SLC35F3: variants seen among roughly 807,000 people sequenced by gnomAD.
The protein encoded by SLC35F3 is putative thiamine transporter SLC35F3.
Under a neutral mutation model 49.9 loss-of-function variants are expected in SLC35F3, and 25 were observed. The observed-to-expected ratio is 0.50, with a 90% CI of 0.37 to 0.70. The LOEUF (loss-of-function observed/expected upper bound fraction) is 0.70, where lower values mean the gene tolerates loss of function less well. Ranked by LOEUF, SLC35F3 falls within the 30% of genes least tolerant of loss-of-function variation. The pLI is 0.00. For missense variants in SLC35F3, 525 were observed against 639.8 expected, an observed-to-expected ratio of 0.82 and a Z score of 1.94; for synonymous variants, 275 against 265.4, an observed-to-expected ratio of 1.04 and a Z score of -0.35.
chr1:234,032,982 A>G (rs2102849190), intron 2 of SLC35F3, among the ~76,000 whole-genome samples: 2 of 152,102 alleles, frequency 1.3e-5, no homozygotes, highest in Middle Eastern at 6.8e-3. Flanking sequence ...ATTCCCACGA[A>G]CAGTGTAAAA....
intron 3 of SLC35F3, among the ~76,000 whole-genome samples, chr1:234,261,533 A>G (rs1188747126): frequency 1.3e-5 from 2 of 152,088 alleles, no homozygotes; most frequent in Non-Finnish European, 2.9e-5. Context: ...AGCAGTGAGG[A>G]TGATCAGCTG....
intron 2 of SLC35F3, among the ~76,000 whole-genome samples, chr1:234,135,366 A>G (rs1665795805): frequency 6.6e-6 from 1 of 152,218 alleles, no homozygotes; most frequent in Non-Finnish European, 1.5e-5. Flanking sequence ...ATGTACCAAT[A>G]AAAATGAAAA....
rs1661908427 is a variant in SLC35F3 at position 233,913,038 on chromosome 1, GA to G, written c.283+7281del. On this transcript the variant is annotated intron_variant, in intron 2 of 7. Transcript: ENST00000366618. Reference sequence around the variant, plus strand: ...CCTTGCCCTAAAAGCTTACTTACTGGAGTAGGTAAAATCTGAAGTGTTTATA... The same window carrying G: ...CCTTGCCCTAAAAGCTTACTTACTGGGTAGGTAAAATCTGAAGTGTTTATA... 2.0e-5 allele frequency among the ~76,000 whole-genome samples: 3 copies of G among 152,308 alleles called. No homozygotes were observed. In the South Asian group the frequency reaches 6.2e-4, roughly 32 times the overall value.
At chr1:234,063,047 G>A (rs1352325329) in intron 2 of SLC35F3, among the ~76,000 whole-genome samples, 1 of 151,980 alleles carries the variant, frequency 6.6e-6, no homozygotes, top group Admixed American at 6.6e-5. Flanking sequence ...TTCTCTCTGA[G>A]TTTAACCCCC....
rs1665876127 is a variant in SLC35F3, at chr1:234,139,986, A to AAATAAAATAAAATAAAATAAAAT, written c.284-91415_284-91414insATAAAATAATAAAATAAAATAAA. Among the ~76,000 whole-genome samples, 2 of 136,762 alleles carry AAATAAAATAAAATAAAATAAAAT rather than the reference A, an allele frequency of 1.5e-5. 1 individual carries two copies. The highest frequency in any genetic ancestry group is 3.2e-5 in the Non-Finnish European group (2 of 62,372). The allele number at this position is 136,762 out of a possible 152,430, so 89.7% of individuals were successfully genotyped here. ...AAATAAAATAAAATAAAATAAAATA[A>AAATAAAATAAAATAAAATAAAAT]AATAAAATAAAATAAAGTAAGTGAC... is the stretch of plus-strand genomic sequence containing the variant. On this transcript the variant is annotated intron_variant, in intron 2 of 7. Transcript: ENST00000366618.
At chr1:234,294,131 A>G (rs1668553426) in intron 3 of SLC35F3, among the ~76,000 whole-genome samples, 1 of 152,258 alleles carries the variant, frequency 6.6e-6, no homozygotes, top group African/African-American at 2.4e-5. Context: ...AGCTCCTGAA[A>G]ATAGCAAAGA....
intron 2 of SLC35F3, among the ~76,000 whole-genome samples, chr1:233,996,369 T>A (rs1663460656): frequency 6.6e-6 from 1 of 152,072 alleles, no homozygotes; most frequent in African/African-American, 2.4e-5. Context: ...CATCCTCGGA[T>A]TTTGGTATTT....
chr1:233,905,491 C>G (rs780390705), intron 1 of SLC35F3, 38 bp from the exon 2 acceptor site: 10 of 1,488,146 alleles, frequency 6.7e-6, no homozygotes, highest in African/African-American at 1.4e-5. Flanking sequence ...CCATGCTCCC[C>G]CTGCCCACCC....
At chr1:233,931,304 A>G (rs1662238431) in intron 2 of SLC35F3, among the ~76,000 whole-genome samples, 1 of 152,220 alleles carries the variant, frequency 6.6e-6, no homozygotes, top group African/African-American at 2.4e-5. Context: ...AATTAAACTA[A>G]AGAGCTTCTG....
chr1:234,275,763 A>AAAATAT (rs1553260465), intron 3 of SLC35F3, among the ~76,000 whole-genome samples: 1 of 135,532 alleles, frequency 7.4e-6, no homozygotes, highest in Non-Finnish European at 1.6e-5. Context: ...AAAAAAAAAA[A>AAAATAT]ATATATATAT....
intron 2 of SLC35F3, among the ~76,000 whole-genome samples, chr1:233,981,120 A>G (rs1663175462): frequency 6.6e-6 from 1 of 152,212 alleles, no homozygotes; most frequent in South Asian, 2.1e-4. Flanking sequence ...CGCTGGTAGC[A>G]TTTTACATAA....
intron 2 of SLC35F3, among the ~76,000 whole-genome samples, chr1:234,062,217 A>G (rs1363434566): frequency 1.3e-5 from 2 of 152,134 alleles, no homozygotes; most frequent in African/African-American, 4.8e-5. Context: ...CTTTCTCGTT[A>G]TAGCTCCATT....
chr1:233,917,664 T>C (rs544584566), intron 2 of SLC35F3, among the ~76,000 whole-genome samples: 2 of 152,344 alleles, frequency 1.3e-5, no homozygotes, highest in South Asian at 4.1e-4. Flanking sequence ...GCTCTACCTT[T>C]TCTCTCTTGC....
chr1:234,209,987 A>G (rs982263444), intron 2 of SLC35F3, among the ~76,000 whole-genome samples: 6 of 152,190 alleles, frequency 3.9e-5, no homozygotes, highest in Non-Finnish European at 7.3e-5. Flanking sequence ...TCCCCACCCA[A>G]ATCTCATCTT....
intron 3 of SLC35F3, among the ~76,000 whole-genome samples, chr1:234,278,515 A>C (rs551979459): frequency 8.5e-4 from 129 of 152,006 alleles, no homozygotes; most frequent in African/African-American, 3.0e-3. Flanking sequence ...ACGAAAAAAA[A>C]AGAGAAAAAA....
intron 2 of SLC35F3, among the ~76,000 whole-genome samples, chr1:234,162,520 A>G (rs1666244790): frequency 2.0e-5 from 3 of 151,570 alleles, no homozygotes; most frequent in African/African-American, 4.9e-5. Flanking sequence ...AGCTGGTGTG[A>G]CAGGGCAGGA....
chr1:234,095,349 G>A (rs1446498102), intron 2 of SLC35F3, among the ~76,000 whole-genome samples: 54 of 152,050 alleles, frequency 3.6e-4, no homozygotes, highest in Admixed American at 3.5e-3. Flanking sequence ...AGGGGCTCAG[G>A]GAGCTGGAGG....
chr1:234,163,389 C>T (rs61822414), intron 2 of SLC35F3, among the ~76,000 whole-genome samples: 20,216 of 152,132 alleles, frequency 0.13, 1,589 homozygotes, highest in Middle Eastern at 0.19. Context: ...GAGTTACACA[C>T]AGAATGGGAC....
Position 233,913,402 on chromosome 1 carries a change from G to C in SLC35F3, c.283+7644G>C, listed in dbSNP as rs191786330. Among the ~76,000 whole-genome samples the C allele has an allele frequency of 2.8e-4, 42 of 152,276 alleles. No homozygotes were observed. The East Asian group carries it at 7.9e-3, about 29-fold the overall frequency. ...CTCCCAAGAGCCTTTACTGATTACA[G>C]GAGGTGCTCTTGCATCTCCTATAGT... On this transcript the variant is annotated intron_variant, in intron 2 of 7. Coordinates refer to ENST00000366618, the MANE Select transcript of SLC35F3 (RefSeq NM_173508.4).
Sources: allele counts gnomAD v4.1 joint callset (sites outside exome capture counted in the v4.1 genomes callset), GRCh38; gene constraint gnomAD v4.1.1; transcripts MANE v1.5; gene names NCBI Gene and HGNC (gene_info 2026-07-23, HGNC 2026-07-21).